The following VMA21 variants were observed in gnomAD, a reference collection of about 807,000 sequenced individuals.
The protein encoded by VMA21 is vacuolar ATPase assembly integral membrane protein VMA21.
For synonymous variants in VMA21, 47 were observed against 34.1 expected, an observed-to-expected ratio of 1.38 and a Z score of -1.32; for missense variants, 61 against 80.6, an observed-to-expected ratio of 0.76 and a Z score of 0.93.
In VMA21 at chrX:151,407,528, A is replaced by G. The variant is rs2011306056; in HGVS notation, c.*2470A>G. 8.9e-6 allele frequency: 1 copy of G among 112,943 alleles called. No homozygotes were observed. 9.3% of individuals were successfully genotyped at this position (112,943 alleles called of 1,213,427 possible). A position where few individuals can be genotyped will look rare whatever the true frequency, so the allele number is the denominator to read the frequency against. The stretch of plus-strand genomic sequence containing the variant: ...AGCCCTTATACATGTTTTAAGGTAG[A>G]AATATGTTCCCTATTGTTTGAAAAC... On this transcript the variant is annotated 3_prime_UTR_variant, in exon 3 of 3. Coordinates refer to ENST00000330374, the MANE Select transcript of VMA21 (RefSeq NM_001017980.4).
intron 2 of VMA21, 45 bp downstream of exon 2, chrX:151,403,785 G>C: frequency 1.0e-6 from 1 of 1,000,680 alleles, no homozygotes; most frequent in Admixed American, 2.2e-5. Context: ...CCCAATTTAA[G>C]ATTCTGTGCT....
In VMA21 at chrX:151,405,696, A is replaced by G. The variant is rs976735529; in HGVS notation, c.*638A>G. ...TAAAGAGCAAAGCAAAGATCTCACT[A>G]CTCAAACACTCAGCCTGCTTCCTTC... On this transcript the variant is annotated 3_prime_UTR_variant, in exon 3 of 3. Transcript: ENST00000330374. 5 of 111,955 alleles carry G rather than the reference A, an allele frequency of 4.5e-5. No homozygotes were observed. The highest frequency in any genetic ancestry group is 1.3e-4 in the African/African-American group (4 of 30,828). The allele number at this position is 111,955 out of a possible 1,213,427, so 9.2% of individuals were successfully genotyped here.
chrX:151,406,223 C>T lies in VMA21; in HGVS notation c.*1165C>T, dbSNP rs1214327956. On this transcript the variant is annotated 3_prime_UTR_variant, in exon 3 of 3. Coordinates refer to ENST00000330374, the MANE Select transcript of VMA21 (RefSeq NM_001017980.4). The stretch of plus-strand genomic sequence containing the variant: ...ATAACCTCTATTTTAGTTGATATCC[C>T]GTATTCATTTTTGAAAGCCATTCCT... 1.8e-5 allele frequency: 2 copies of T among 111,599 alleles called. No individual in the cohort carries two copies. Among genetic ancestry groups the T allele is most frequent in the Non-Finnish European group, 3.8e-5 (2 of 53,157 alleles). The allele number at this position is 111,599 out of a possible 1,213,427, so 9.2% of individuals were successfully genotyped here.
chrX:151,402,670 A>G (rs2011245870), intron 1 of VMA21, among the ~76,000 whole-genome samples: 1 of 112,778 alleles, frequency 8.9e-6, no homozygotes, highest in Admixed American at 9.3e-5. Flanking sequence ...AGAAGTTCCT[A>G]TTCCAGCTGG....
Position 151,407,530 on chromosome X carries a change from A to G in VMA21, c.*2472A>G, listed in dbSNP as rs759914713. ...CCCTTATACATGTTTTAAGGTAGAA[A>G]TATGTTCCCTATTGTTTGAAAACTG... On this transcript the variant is annotated 3_prime_UTR_variant, in exon 3 of 3. Coordinates refer to ENST00000330374, the MANE Select transcript of VMA21 (RefSeq NM_001017980.4). 3 of 113,016 alleles carry G rather than the reference A, an allele frequency of 2.7e-5. No individual in the cohort carries two copies. In the South Asian group the frequency reaches 1.1e-3, roughly 41 times the overall value. The allele number at this position is 113,016 out of a possible 1,213,427, so 9.3% of individuals were successfully genotyped here. A position where few individuals can be genotyped will look rare whatever the true frequency, so the allele number is the denominator to read the frequency against.
At chrX:151,402,436 C>T (rs2011244286) in intron 1 of VMA21, among the ~76,000 whole-genome samples, 1 of 112,134 alleles carries the variant, frequency 8.9e-6, no homozygotes, top group Non-Finnish European at 1.9e-5. Flanking sequence ...CCTGCCTCGG[C>T]CTCCCAAAGT....
At chrX:151,398,183 T>TG (rs1375606202) in intron 1 of VMA21, among the ~76,000 whole-genome samples, 1 of 102,044 alleles carries the variant, frequency 9.8e-6, no homozygotes, top group African/African-American at 3.7e-5. Context: ...CATTGTGAGT[T>TG]TTTTTTTTTT....
At chrX:151,397,115 G>C (rs1487269158), upstream of VMA21, 184 of 321,400 alleles carry the variant, frequency 5.7e-4, 1 homozygote, top group African/African-American at 3.8e-3. Flanking sequence ...GCTGCGGCGC[G>C]CCGCGCCGCG....
chrX:151,404,793 T>C, intron 2 of VMA21, 123 bp from the exon 3 acceptor site: 1 of 821,100 alleles, frequency 1.2e-6, no homozygotes, highest in Non-Finnish European at 1.8e-6. Flanking sequence ...ACCCAAAATA[T>C]TACTTTTTAA....
At position 151,408,792 on chromosome X, in the gene VMA21, A is replaced by G. The variant is rs985350664; in HGVS notation, c.*3734A>G. ...AGCTTAATCCTTTATATATTCCTTA[A>G]AATAGGAATTCCTCGACATCACTCC... On this transcript the variant is annotated 3_prime_UTR_variant, in exon 3 of 3. Transcript: ENST00000330374. 1.8e-5 allele frequency: 2 copies of G among 112,734 alleles called. No individual in the cohort carries two copies. The highest frequency in any genetic ancestry group is 6.5e-5 in the African/African-American group (2 of 30,890). The allele number at this position is 112,734 out of a possible 1,213,427, so 9.3% of individuals were successfully genotyped here.
chrX:151,396,890 G>C (rs138128701), upstream of VMA21: 465 of 522,449 alleles, frequency 8.9e-4, 4 homozygotes, highest in African/African-American at 9.3e-3. Flanking sequence ...ACGCAGACGA[G>C]GACCAGTGTT....
At chrX:151,402,173 A>T (rs766656621) in intron 1 of VMA21, among the ~76,000 whole-genome samples, 11 of 111,806 alleles carry the variant, frequency 9.8e-5, no homozygotes, top group East Asian at 2.8e-4. Context: ...TGGTCATAAT[A>T]TATAATCTTT....
intron 1 of VMA21, among the ~76,000 whole-genome samples, chrX:151,403,358 C>T (rs1291030983): frequency 8.9e-6 from 1 of 112,797 alleles, no homozygotes; most frequent in Non-Finnish European, 1.9e-5. Context: ...GTTCACCCAG[C>T]TTGTTGGCAG....
At chrX:151,399,866 A>G (rs2011224578) in intron 1 of VMA21, among the ~76,000 whole-genome samples, 1 of 111,716 alleles carries the variant, frequency 9.0e-6, no homozygotes. Context: ...AGTTATATTT[A>G]ATATATATTT....
chrX:151,405,195 T>G lies in VMA21; in HGVS notation c.*137T>G, dbSNP rs1350066731. 1.4e-6 allele frequency: 1 copy of G among 739,434 alleles called. No individual in the cohort carries two copies. Among genetic ancestry groups the G allele is most frequent in the Non-Finnish European group, 1.9e-6 (1 of 513,624 alleles). 60.9% of individuals were successfully genotyped at this position (739,434 alleles called of 1,213,427 possible). ...GAGTCACGTTTGAGTATGTAAATTT[T>G]GATCTTTCTAATATGTTGGTTTGTA... On this transcript the variant is annotated 3_prime_UTR_variant, in exon 3 of 3. Coordinates refer to ENST00000330374, the MANE Select transcript of VMA21 (RefSeq NM_001017980.4).
chrX:151,407,133 A>G lies in VMA21; in HGVS notation c.*2075A>G, dbSNP rs2011301356. 8.9e-6 allele frequency: 1 copy of G among 112,307 alleles called. No homozygotes were observed. Among genetic ancestry groups the G allele is most frequent in the African/African-American group, 3.2e-5 (1 of 30,855 alleles). The allele number at this position is 112,307 out of a possible 1,213,427, so 9.3% of individuals were successfully genotyped here. ...GCTGTTTGTAAAATGTTACTGTCCA[A>G]TGTTGGATTATTGTTTTGGTTTCAG... is the stretch of plus-strand genomic sequence containing the variant. On this transcript the variant is annotated 3_prime_UTR_variant, in exon 3 of 3. Coordinates refer to ENST00000330374, the MANE Select transcript of VMA21 (RefSeq NM_001017980.4).
rs1303799282 is a variant in VMA21, at chrX:151,408,794, A to G, written c.*3736A>G. ...CTTAATCCTTTATATATTCCTTAAA[A>G]TAGGAATTCCTCGACATCACTCCTG... On this transcript the variant is annotated 3_prime_UTR_variant, in exon 3 of 3. Transcript: ENST00000330374. 1.8e-5 allele frequency: 2 copies of G among 112,707 alleles called. No homozygotes were observed. Among genetic ancestry groups the G allele is most frequent in the African/African-American group, 6.5e-5 (2 of 30,907 alleles). 9.3% of individuals were successfully genotyped at this position (112,707 alleles called of 1,213,427 possible).
At chrX:151,403,866 AT>A (rs779785135) in intron 2 of VMA21, 126 bp downstream of exon 2, 1 of 492,381 alleles carries the variant, frequency 2.0e-6, no homozygotes, top group Non-Finnish European at 3.5e-6. Context: ...AAAAAATCAT[AT>A]TGCTCATAAT....
chrX:151,397,413 C>G (rs752315880), intron 1 of VMA21, 52 bp downstream of exon 1: 36 of 1,141,706 alleles, frequency 3.2e-5, no homozygotes, highest in Middle Eastern at 4.8e-4. Flanking sequence ...CAGCCTGGAG[C>G]AGGGCTTGAG....
Sources: gnomAD v4.1 joint callset for allele counts (sites outside exome capture counted in the v4.1 genomes callset) on GRCh38, gnomAD v4.1.1 for gene constraint, MANE v1.5 for transcripts, NCBI Gene and HGNC (gene_info 2026-07-23, HGNC 2026-07-21) for gene names.